The following FNBP1L variants were observed in gnomAD, a reference collection of about 807,000 sequenced individuals.
FNBP1L encodes formin-binding protein 1-like.
In FNBP1L, 36 loss-of-function variants were observed where a neutral mutation model predicts 91.2. The observed-to-expected ratio is 0.39, with a 90% CI of 0.30 to 0.52. The LOEUF (loss-of-function observed/expected upper bound fraction) is 0.52, where lower values mean the gene tolerates loss of function less well. Among genes scored for constraint, FNBP1L ranks in the 20% least tolerant of loss-of-function variants. The probability of loss-of-function intolerance (pLI) is 0.66; values close to 1 mark genes in which losing one functional copy is unlikely to be tolerated. For missense variants in FNBP1L, 571 were observed against 732.1 expected (o/e 0.78, Z 2.54); for synonymous variants, 242 against 237.0 (o/e 1.02, Z -0.19).
At chr1:93,551,698 CTATT>C in intron 16 of FNBP1L, 1 of 984,718 alleles carries the variant, frequency 1.0e-6, no homozygotes, top group Non-Finnish European at 1.2e-6. Flanking sequence ...AGCACATAAT[CTATT>C]TAAGTAGATT....
intron 1 of FNBP1L, among the ~76,000 whole-genome samples, chr1:93,457,139 C>T (rs773579426): frequency 4.6e-5 from 7 of 152,188 alleles, no homozygotes; most frequent in Non-Finnish European, 1.5e-5. Flanking sequence ...CTGCCTCAGC[C>T]TCCCAAAGCA....
chr1:93,487,515 A>G (rs1669948500), intron 1 of FNBP1L, among the ~76,000 whole-genome samples: 1 of 152,216 alleles, frequency 6.6e-6, no homozygotes, highest in African/African-American at 2.4e-5. Flanking sequence ...AAAGCAGAAC[A>G]AATAAGTTTT....
At chr1:93,470,391 GTGC>G (rs1669244587) in intron 1 of FNBP1L, among the ~76,000 whole-genome samples, 1 of 152,142 alleles carries the variant, frequency 6.6e-6, no homozygotes, top group Admixed American at 6.5e-5. Flanking sequence ...GCCTCCTAAA[GTGC>G]TGGGATTACA....
chr1:93,477,638 G>T (rs1669544399), intron 1 of FNBP1L, among the ~76,000 whole-genome samples: 1 of 152,106 alleles, frequency 6.6e-6, no homozygotes, highest in Non-Finnish European at 1.5e-5. Context: ...AATGAAGAAT[G>T]CTCTAAAGAT....
chr1:93,513,670 A>G (rs1035600876), intron 2 of FNBP1L, among the ~76,000 whole-genome samples: 2 of 152,334 alleles, frequency 1.3e-5, no homozygotes, highest in African/African-American at 2.4e-5. Context: ...GACAAAAACC[A>G]CATGATTATC....
At chr1:93,491,475 G>A (rs1670088321) in intron 1 of FNBP1L, among the ~76,000 whole-genome samples, 1 of 151,660 alleles carries the variant, frequency 6.6e-6, no homozygotes, top group Non-Finnish European at 1.5e-5. Flanking sequence ...CTGTAACTTT[G>A]AACTTCTAGG....
intron 12 of FNBP1L, among the ~76,000 whole-genome samples, chr1:93,545,913 G>T (rs906180629): frequency 6.6e-6 from 1 of 151,872 alleles, no homozygotes; most frequent in Non-Finnish European, 1.5e-5. Context: ...AAAGTTTAGG[G>T]CAAAGATAAA....
chr1:93,524,660 A>T (rs1196548106), intron 5 of FNBP1L, among the ~76,000 whole-genome samples: 1 of 149,536 alleles, frequency 6.7e-6, no homozygotes, highest in African/African-American at 2.5e-5. Context: ...GGAAAAGGAG[A>T]TATATCTTAG....
chr1:93,481,676 T>G (rs1337868350), intron 1 of FNBP1L, among the ~76,000 whole-genome samples: 1 of 152,208 alleles, frequency 6.6e-6, no homozygotes, highest in Non-Finnish European at 1.5e-5. Flanking sequence ...GCTGTCCTAA[T>G]TATAATACCT....
At chr1:93,545,664 A>C (rs1672198065) in intron 12 of FNBP1L, among the ~76,000 whole-genome samples, 2 of 152,146 alleles carry the variant, frequency 1.3e-5, no homozygotes, top group Admixed American at 1.3e-4. Context: ...TATGAAGAGT[A>C]AATAGTATAG....
Position 93,448,125 on chromosome 1 carries a change from T to A in FNBP1L, c.-157T>A. ...GGCGGCGGAGGCTTCTCCAGTCGCG[T>A]CTTTCTCACTCACTGGGGAGCCCGG... On this transcript the variant is annotated 5_prime_UTR_variant, in exon 1 of 17. Transcript: ENST00000271234. The A allele has an allele frequency of 2.2e-6, 2 of 900,712 alleles. No homozygotes were observed. The highest frequency in any genetic ancestry group is 3.3e-6 in the Non-Finnish European group (2 of 612,176). The allele number at this position is 900,712 out of a possible 1,614,324, so 55.8% of individuals were successfully genotyped here. A position where few individuals can be genotyped will look rare whatever the true frequency, so the allele number is the denominator to read the frequency against.
intron 2 of FNBP1L, among the ~76,000 whole-genome samples, chr1:93,516,198 A>G (rs1671103765): frequency 6.6e-6 from 1 of 152,118 alleles, no homozygotes; most frequent in African/African-American, 2.4e-5. Flanking sequence ...GGGGGAAAAA[A>G]AAAAGTTTTC....
intron 1 of FNBP1L, among the ~76,000 whole-genome samples, chr1:93,487,144 C>T (rs1029852451): frequency 1.3e-5 from 2 of 152,172 alleles, no homozygotes; most frequent in African/African-American, 2.4e-5. Context: ...CTTTTTACTA[C>T]TTTTAATAGC....
intron 2 of FNBP1L, among the ~76,000 whole-genome samples, chr1:93,509,651 C>T (rs994689332): frequency 3.3e-5 from 5 of 152,220 alleles, no homozygotes; most frequent in African/African-American, 4.8e-5. Flanking sequence ...CAGCTCCCAG[C>T]GTGAGCGACG....
intron 1 of FNBP1L, among the ~76,000 whole-genome samples, chr1:93,479,434 C>T (rs905350692): frequency 6.6e-6 from 1 of 152,132 alleles, no homozygotes; most frequent in African/African-American, 2.4e-5. Context: ...AACAGCGTTC[C>T]AGAGCAGAGA....
At chr1:93,504,410 A>G (rs957235438) in intron 2 of FNBP1L, among the ~76,000 whole-genome samples, 2 of 152,186 alleles carry the variant, frequency 1.3e-5, no homozygotes, top group African/African-American at 2.4e-5. Flanking sequence ...ACCTCCCGCC[A>G]TGAGTCTGAA....
chr1:93,520,803 G>A (rs1671294523), intron 2 of FNBP1L, among the ~76,000 whole-genome samples: 1 of 152,148 alleles, frequency 6.6e-6, no homozygotes, highest in South Asian at 2.1e-4. Context: ...AGCACTTTGG[G>A]AGGCTGAGGC....
At chr1:93,531,315 G>A (rs1038192534) in intron 7 of FNBP1L, among the ~76,000 whole-genome samples, 2 of 152,118 alleles carry the variant, frequency 1.3e-5, no homozygotes, top group East Asian at 1.9e-4. Flanking sequence ...TATCATGCTG[G>A]CTCTGTTAGA....
At chr1:93,535,574 G>A (rs1381855566) in intron 9 of FNBP1L, among the ~76,000 whole-genome samples, 1 of 152,028 alleles carries the variant, frequency 6.6e-6, no homozygotes, top group Non-Finnish European at 1.5e-5. Flanking sequence ...TTAATCTGAT[G>A]TGCTGTATTT....
Sources: allele counts gnomAD v4.1 joint callset (sites outside exome capture counted in the v4.1 genomes callset), GRCh38; gene constraint gnomAD v4.1.1; transcripts MANE v1.5; gene names NCBI Gene and HGNC (gene_info 2026-07-23, HGNC 2026-07-21).